Variants in C1orf87 observed in about 807,000 individuals in gnomAD.
C1orf87 encodes the protein uncharacterized protein C1orf87.
A neutral mutation model predicts 60.5 loss-of-function variants in C1orf87; 58 were observed. The ratio of observed to expected loss-of-function variants is 0.96; its 90% CI spans 0.78 to 1.19. C1orf87 has a LOEUF of 1.19. Ranked by LOEUF, C1orf87 falls within the 50% of genes most tolerant of loss-of-function variation. The pLI is 0.00. For missense variants in C1orf87, 673 were observed against 638.6 expected (o/e 1.05, Z -0.58); for synonymous variants, 236 against 227.4 (o/e 1.04, Z -0.34).
At chr1:60,048,764 G>C (rs531420702) in intron 3 of C1orf87, among the ~76,000 whole-genome samples, 1 of 151,570 alleles carries the variant, frequency 6.6e-6, no homozygotes, top group East Asian at 1.9e-4. Flanking sequence ...AAACATAAGG[G>C]ATATGTACAT....
In C1orf87 at chr1:60,039,792, T is replaced by C. The variant is rs1645305431; in HGVS notation, c.747+125A>G. 3 of 1,077,664 alleles carry C rather than the reference T, an allele frequency of 2.8e-6. No homozygotes were observed. In the South Asian group the frequency reaches 4.8e-5, roughly 17 times the overall value. The allele number at this position is 1,077,664 out of a possible 1,614,324, so 66.8% of individuals were successfully genotyped here. On this transcript the variant is annotated intron_variant, in intron 5 of 11. Coordinates refer to ENST00000371201, the MANE Select transcript of C1orf87 (RefSeq NM_152377.3). ...TACACATGAATATAAATAAGCTTTT[T>C]ATCTCAGTAGTCAGGGATAAAAGTT...
intron 6 of C1orf87, among the ~76,000 whole-genome samples, chr1:60,037,410 T>C (rs1386145458): frequency 6.6e-6 from 1 of 152,210 alleles, no homozygotes; most frequent in Non-Finnish European, 1.5e-5. Context: ...ATTTTATTTC[T>C]TCAGTTCACA....
rs1290604446 is a variant in C1orf87 at position 60,026,004 on chromosome 1, T to G, written c.1030-506A>C. Among the ~76,000 whole-genome samples, 4 of 152,306 alleles carry G rather than the reference T, an allele frequency of 2.6e-5. No homozygotes were observed. The East Asian group carries it at 7.7e-4, about 29-fold the overall frequency. ...AGCTAATAAGTTATGGAACTTAGTC[T>G]AGAAACCAGATGCTCAGATAAATAG... On this transcript the variant is annotated intron_variant, in intron 7 of 11. Coordinates refer to ENST00000371201, the MANE Select transcript of C1orf87 (RefSeq NM_152377.3).
chr1:60,063,821 C>G (rs1215287924), intron 2 of C1orf87, among the ~76,000 whole-genome samples: 1 of 152,080 alleles, frequency 6.6e-6, no homozygotes, highest in African/African-American at 2.4e-5. Flanking sequence ...GCACTGTGCT[C>G]CTGGTGAGGG....
At chr1:60,052,886 A>C (rs1645424555) in intron 3 of C1orf87, among the ~76,000 whole-genome samples, 2 of 152,184 alleles carry the variant, frequency 1.3e-5, no homozygotes, top group South Asian at 4.1e-4. Flanking sequence ...CCAGCACCAC[A>C]CGCCCGCCCG....
At chr1:60,005,098 C>G (rs1645033875) in intron 9 of C1orf87, among the ~76,000 whole-genome samples, 1 of 152,016 alleles carries the variant, frequency 6.6e-6, no homozygotes, top group Non-Finnish European at 1.5e-5. Context: ...AGTGGGCCTA[C>G]TGAATGAAGC....
intron 6 of C1orf87, 23 bp from the exon 7 acceptor site, chr1:60,033,664 A>T: frequency 8.1e-6 from 13 of 1,604,452 alleles, no homozygotes; most frequent in Non-Finnish European, 1.1e-5. Context: ...GAAATGGGGA[A>T]GGCTATGAAA....
intron 9 of C1orf87, among the ~76,000 whole-genome samples, chr1:60,004,525 C>T (rs12747631): frequency 0.14 from 21,718 of 151,980 alleles, 1,668 homozygotes; most frequent in Admixed American, 0.2. Context: ...TCCTCTCTAC[C>T]GTCTGCACTT....
At chr1:59,992,037 T>C (rs924494686) in intron 11 of C1orf87, among the ~76,000 whole-genome samples, 2 of 152,046 alleles carry the variant, frequency 1.3e-5, no homozygotes, top group African/African-American at 4.8e-5. Context: ...TATTTAAATA[T>C]AAAATTTACT....
At chr1:60,036,145 C>T (rs1396449881) in intron 6 of C1orf87, among the ~76,000 whole-genome samples, 1 of 152,068 alleles carries the variant, frequency 6.6e-6, no homozygotes, top group Non-Finnish European at 1.5e-5. Flanking sequence ...GACTGGAATG[C>T]CTAGATGGCA....
At chr1:60,024,572 T>C (rs1645185751) in intron 8 of C1orf87, among the ~76,000 whole-genome samples, 1 of 152,124 alleles carries the variant, frequency 6.6e-6, no homozygotes, top group South Asian at 2.1e-4. Context: ...CTCTTGGAAA[T>C]CTCCAGAGAC....
intron 2 of C1orf87, among the ~76,000 whole-genome samples, chr1:60,066,693 T>A (rs1018934476): frequency 1.6e-4 from 24 of 151,952 alleles, no homozygotes; most frequent in Non-Finnish European, 2.2e-4. Context: ...TTTTTTTTTT[T>A]AAATTTAAGT....
chr1:60,069,030 C>A (rs1472561259), intron 2 of C1orf87, among the ~76,000 whole-genome samples: 1 of 152,152 alleles, frequency 6.6e-6, no homozygotes, highest in East Asian at 1.9e-4. Context: ...TTACCATGTA[C>A]AATATTTTAT....
At chr1:60,059,378 G>A (rs755102478) in intron 2 of C1orf87, among the ~76,000 whole-genome samples, 1 of 152,192 alleles carries the variant, frequency 6.6e-6, no homozygotes, top group Admixed American at 6.5e-5. Context: ...TGGGGGTGCC[G>A]TGAAGAGTTT....
intron 2 of C1orf87, among the ~76,000 whole-genome samples, chr1:60,068,572 T>C (rs1165385588): frequency 6.6e-6 from 1 of 152,198 alleles, no homozygotes; most frequent in African/African-American, 2.4e-5. Flanking sequence ...CCTTGTTTCA[T>C]GCCTTTGTGA....
intron 7 of C1orf87, among the ~76,000 whole-genome samples, chr1:60,030,157 T>G (rs1645227430): frequency 6.6e-6 from 1 of 152,118 alleles, no homozygotes; most frequent in Admixed American, 6.5e-5. Flanking sequence ...ACCATAAAAG[T>G]CTGTTGTCCT....
intron 3 of C1orf87, among the ~76,000 whole-genome samples, chr1:60,043,444 C>T (rs976203953): frequency 2.1e-4 from 32 of 151,976 alleles, no homozygotes; most frequent in Non-Finnish European, 3.7e-4. Context: ...TACAGTGGCG[C>T]GATCTCGGCT....
At chr1:59,996,428 G>A (rs925279246) in intron 11 of C1orf87, among the ~76,000 whole-genome samples, 1 of 151,988 alleles carries the variant, frequency 6.6e-6, no homozygotes, top group African/African-American at 2.4e-5. Context: ...GGATCCTTCT[G>A]AAGTACAACT....
intron 1 of C1orf87, among the ~76,000 whole-genome samples, chr1:60,073,300 G>C (rs1163273367): frequency 6.6e-6 from 1 of 152,158 alleles, no homozygotes; most frequent in Non-Finnish European, 1.5e-5. Context: ...GGGAAAATCA[G>C]AAGTTCAGTA....
Sources: gnomAD v4.1 joint callset for allele counts (sites outside exome capture counted in the v4.1 genomes callset) on GRCh38, gnomAD v4.1.1 for gene constraint, MANE v1.5 for transcripts, NCBI Gene and HGNC (gene_info 2026-07-23, HGNC 2026-07-21) for gene names.